Variants in ST3GAL2 observed in about 807,000 individuals in gnomAD.
The protein encoded by ST3GAL2 is ST3 beta-galactoside alpha-2,3-sialyltransferase 2, also known as CMP-N-acetylneuraminate-beta-galactosamide-alpha-2,3-sialyltransferase 2.
Under a neutral mutation model 37.5 loss-of-function variants are expected in ST3GAL2, and 16 were observed. The ratio of observed to expected loss-of-function variants is 0.43; its 90% CI spans 0.29 to 0.65. ST3GAL2 has a LOEUF of 0.65. Ranked by LOEUF, ST3GAL2 falls within the 30% of genes least tolerant of loss-of-function variation. ST3GAL2 has a pLI of 0.17. For synonymous variants in ST3GAL2, 238 were observed against 202.9 expected, an observed-to-expected ratio of 1.17 and a Z score of -1.47; for missense variants, 383 against 487.8, an observed-to-expected ratio of 0.79 and a Z score of 2.02.
chr16:70,389,457 T>G (rs866509404), intron 3 of ST3GAL2, among the ~76,000 whole-genome samples: 7 of 151,622 alleles, frequency 4.6e-5, no homozygotes, highest in Non-Finnish European at 1.0e-4. Flanking sequence ...CTACAACATG[T>G]GCCAGCATTC....
At chr16:70,435,174 C>T (rs1029318564) in intron 1 of ST3GAL2, among the ~76,000 whole-genome samples, 1 of 152,136 alleles carries the variant, frequency 6.6e-6, no homozygotes, top group African/African-American at 2.4e-5. Context: ...TTCAAATAAC[C>T]GTGGGGCAGT....
chr16:70,421,996 C>A (rs527573305), intron 1 of ST3GAL2, among the ~76,000 whole-genome samples: 1 of 152,304 alleles, frequency 6.6e-6, no homozygotes, highest in South Asian at 2.1e-4. Flanking sequence ...TCTTGAACTC[C>A]TGACCCCAAT....
chr16:70,395,681 G>A (rs897657341), intron 2 of ST3GAL2, among the ~76,000 whole-genome samples: 1 of 152,176 alleles, frequency 6.6e-6, no homozygotes, highest in African/African-American at 2.4e-5. Context: ...CAGAATGGCT[G>A]GAATAAAACT....
intron 1 of ST3GAL2, among the ~76,000 whole-genome samples, chr16:70,413,646 G>T (rs930563098): frequency 1.3e-5 from 2 of 150,324 alleles, no homozygotes; most frequent in Non-Finnish European, 3.0e-5. Flanking sequence ...TGAGGCAGGA[G>T]AATTGCTTGA....
chr16:70,392,899 C>T (rs2047491363), intron 3 of ST3GAL2, among the ~76,000 whole-genome samples: 1 of 152,024 alleles, frequency 6.6e-6, no homozygotes, highest in Non-Finnish European at 1.5e-5. Flanking sequence ...ATCCTCCTGC[C>T]TTAGCCTCCC....
rs1193287656 is a variant in ST3GAL2, at chr16:70,377,151, G to A, written c.*4538C>T. ...TGAGGCTGCAGTGAGCTCTGCACCA[G>A]TCTGGGCGACAGGAGACCCTGTCTC... On this transcript the variant is annotated 3_prime_UTR_variant, in exon 7 of 7. Coordinates refer to ENST00000342907, the MANE Select transcript of ST3GAL2 (RefSeq NM_006927.4). The A allele has an allele frequency of 1.4e-5, 2 of 141,338 alleles. No homozygotes were observed. The highest frequency in any genetic ancestry group is 2.7e-5 in the African/African-American group (1 of 36,844). 8.8% of individuals were successfully genotyped at this position (141,338 alleles called of 1,614,324 possible).
Position 70,384,685 on chromosome 16 carries a change from G to A in ST3GAL2, c.714-1450C>T, listed in dbSNP as rs1163938009. Among the ~76,000 whole-genome samples, 7 of 120,514 alleles carry A rather than the reference G, an allele frequency of 5.8e-5. No individual in the cohort carries two copies. The East Asian group carries it at 7.8e-4, about 13-fold the overall frequency. The allele number at this position is 120,514 out of a possible 152,430, so 79.1% of individuals were successfully genotyped here. ...GTGCCACACTGTACTCCAGCCTGGC[G>A]ACAGAGCGAAACTCTGTCTCAAAAA... is the stretch of plus-strand genomic sequence containing the variant. On this transcript the variant is annotated intron_variant, in intron 4 of 6. Coordinates refer to ENST00000342907, the MANE Select transcript of ST3GAL2 (RefSeq NM_006927.4).
intron 6 of ST3GAL2, among the ~76,000 whole-genome samples, chr16:70,382,439 C>T (rs1480306173): frequency 1.3e-5 from 2 of 152,072 alleles, no homozygotes; most frequent in African/African-American, 2.4e-5. Context: ...TGCCCCAACA[C>T]GCCTGGCTAA....
chr16:70,400,475 T>G (rs555188737), intron 1 of ST3GAL2: 1 of 152,578 alleles, frequency 6.6e-6, no homozygotes, highest in South Asian at 2.1e-4. Context: ...GGCCTCTCAG[T>G]GCAGCCCTGT....
At chr16:70,418,191 C>G (rs1333557378) in intron 1 of ST3GAL2, among the ~76,000 whole-genome samples, 1 of 152,134 alleles carries the variant, frequency 6.6e-6, no homozygotes, top group Non-Finnish European at 1.5e-5. Context: ...TGGGAAGAGC[C>G]CTCACTGACC....
chr16:70,398,274 T>C lies in ST3GAL2; in HGVS notation c.257A>G (p.Asp86Gly). Reference protein sequence around the residue: ...MGDAGASDWFDSHFDGNISPV... With the variant: ...MGDAGASDWFGSHFDGNISPV... ...GGAAATGTTACCGTCAAAGTGGCTG[T>C]CAAACCAGTCGGAGGCACCGGCATC... Residue 86 changes from aspartate (D) to glycine (G), a missense_variant, in exon 2 of 7, where the codon GAC becomes GGC. Physicochemically the swap from Asp to Gly is moderately conservative, Grantham distance 94 (BLOSUM62 -1). This residue lies in a region of ST3GAL2 where 223 missense variants were observed against 239.1 expected (regional missense o/e 0.93). Transcript: ENST00000342907. The C allele has an allele frequency of 6.2e-7, 1 of 1,613,142 alleles. No individual in the cohort carries two copies. The highest frequency in any genetic ancestry group is 8.5e-7 in the Non-Finnish European group (1 of 1,180,024).
At chr16:70,399,672 TGCCCTCTAG>T in intron 1 of ST3GAL2, 139 bp from the exon 2 acceptor site, 1 of 377,622 alleles carries the variant, frequency 2.6e-6, no homozygotes, top group Non-Finnish European at 4.7e-6. Context: ...CCAAGGGCTC[TGCCCTCTAG>T]CTGCACAGAT....
chr16:70,435,488 C>T (rs1292148895), intron 1 of ST3GAL2, among the ~76,000 whole-genome samples: 1 of 151,988 alleles, frequency 6.6e-6, no homozygotes, highest in Non-Finnish European at 1.5e-5. Flanking sequence ...ATCCCAGCTA[C>T]TTGGGAGGCT....
At chr16:70,426,611 A>G (rs2047753673) in intron 1 of ST3GAL2, among the ~76,000 whole-genome samples, 1 of 151,084 alleles carries the variant, frequency 6.6e-6, no homozygotes. Context: ...TCCCGGGTTC[A>G]AGCGATTCTC....
intron 1 of ST3GAL2, among the ~76,000 whole-genome samples, chr16:70,403,334 G>C (rs796973159): frequency 6.6e-6 from 1 of 152,198 alleles, no homozygotes; most frequent in Non-Finnish European, 1.5e-5. Context: ...ATACAGAAAA[G>C]ACAGAAAATT....
At chr16:70,382,769 A>G (rs779575629) in intron 6 of ST3GAL2, 36 bp downstream of exon 6, 5 of 1,613,264 alleles carry the variant, frequency 3.1e-6, no homozygotes, top group Non-Finnish European at 4.2e-6. Context: ...CCTCTGTTCC[A>G]TGGGTTCCCA....
At chr16:70,385,286 ACTCTGT>A (rs2151657129) in intron 4 of ST3GAL2, among the ~76,000 whole-genome samples, 1 of 152,230 alleles carries the variant, frequency 6.6e-6, no homozygotes, top group Admixed American at 6.6e-5. Flanking sequence ...ACAGAGTGAG[ACTCTGT>A]CTCCAAAAAC....
At chr16:70,419,704 C>T (rs942684629) in intron 1 of ST3GAL2, among the ~76,000 whole-genome samples, 14 of 152,216 alleles carry the variant, frequency 9.2e-5, no homozygotes, top group African/African-American at 3.1e-4. Context: ...GAGCAGCTCG[C>T]TCGCCTCGCT....
chr16:70,427,559 G>A (rs1393868677), intron 1 of ST3GAL2, among the ~76,000 whole-genome samples: 1 of 151,394 alleles, frequency 6.6e-6, no homozygotes, highest in South Asian at 2.1e-4. Flanking sequence ...GGATGGTCTC[G>A]ATCTCCTGAC....
Sources: allele counts gnomAD v4.1 joint callset (sites outside exome capture counted in the v4.1 genomes callset), GRCh38; gene constraint gnomAD v4.1.1; regional missense constraint gnomAD v4.1.1; transcripts MANE v1.5; gene names NCBI Gene and HGNC (gene_info 2026-07-23, HGNC 2026-07-21).